CDH11: variants seen among roughly 807,000 people sequenced by gnomAD.
The protein encoded by CDH11 is cadherin 11, also known as cadherin-11.
CDH11 carries 11 observed loss-of-function variants against 67.8 expected under a neutral mutation model. The observed-to-expected ratio is 0.16, with a 90% CI of 0.10 to 0.27. The LOEUF is 0.27. CDH11 is among the 10% of genes least tolerant of loss of function. The pLI is 1.00. For missense variants in CDH11, 847 were observed against 1,031.2 expected (o/e 0.82, Z 2.45); for synonymous variants, 419 against 400.0 (o/e 1.05, Z -0.57).
At chr16:64,983,811 A>C (rs1262240179) in intron 7 of CDH11, among the ~76,000 whole-genome samples, 1 of 152,206 alleles carries the variant, frequency 6.6e-6, no homozygotes, top group Non-Finnish European at 1.5e-5. Context: ...CTTCTAAAAA[A>C]TCCTTTCAAA....
At position 64,947,306 on chromosome 16, in the gene CDH11, T is replaced by C; in HGVS notation, c.*297A>G. ...GTTCATAACACATAAACAATTTCCC[T>C]TCATTGTCAGTTCAGCGTTAGACTT... On this transcript the variant is annotated 3_prime_UTR_variant, in exon 13 of 13. Transcript: ENST00000268603. 2 of 1,182,270 alleles carry C rather than the reference T, an allele frequency of 1.7e-6. No homozygotes were observed. Among genetic ancestry groups the C allele is most frequent in the Non-Finnish European group, 2.1e-6 (2 of 951,906 alleles). The allele number at this position is 1,182,270 out of a possible 1,614,324, so 73.2% of individuals were successfully genotyped here.
rs561561401 is a variant in CDH11, at chr16:64,945,796, A to C, written c.*1807T>G. On this transcript the variant is annotated 3_prime_UTR_variant, in exon 13 of 13. Transcript: ENST00000268603. ...GTTGACTAAATCATAAAAATAGTAC[A>C]TAACATGATATCAAGAAATGCTTGA... 65 of 1,045,672 alleles carry C rather than the reference A, an allele frequency of 6.2e-5. No individual in the cohort carries two copies. The African/African-American group carries it at 1.1e-3, about 17-fold the overall frequency. 64.8% of individuals were successfully genotyped at this position (1,045,672 alleles called of 1,614,324 possible). A position where few individuals can be genotyped will look rare whatever the true frequency, so the allele number is the denominator to read the frequency against.
At chr16:65,092,356 C>A (rs2074806384) in intron 1 of CDH11, among the ~76,000 whole-genome samples, 1 of 152,184 alleles carries the variant, frequency 6.6e-6, no homozygotes, top group Non-Finnish European at 1.5e-5. Flanking sequence ...CCTTCCACAG[C>A]TTTCCAGTGA....
At chr16:64,980,784 CAG>C (rs1030575089) in intron 8 of CDH11, among the ~76,000 whole-genome samples, 1 of 152,090 alleles carries the variant, frequency 6.6e-6, no homozygotes, top group African/African-American at 2.4e-5. Flanking sequence ...ACTCTGGCTG[CAG>C]AGTCAGGATT....
chr16:65,009,538 T>G (rs757090480), intron 2 of CDH11, among the ~76,000 whole-genome samples: 1 of 152,164 alleles, frequency 6.6e-6, no homozygotes, highest in Non-Finnish European at 1.5e-5. Flanking sequence ...TATTCAGTGG[T>G]AGGGACTTAG....
At chr16:65,088,099 C>T (rs775208597) in intron 1 of CDH11, among the ~76,000 whole-genome samples, 26 of 152,146 alleles carry the variant, frequency 1.7e-4, no homozygotes, top group African/African-American at 3.9e-4. Flanking sequence ...GCTCCAAGCT[C>T]GGGAATGGCA....
rs542302964 is a variant in CDH11, at chr16:64,947,456, G to C, written c.*147C>G. ...CAGTATTTACCACTTTGATGTCCTC[G>C]CAGTTTTATTAAATGTATCCTCTCT... On this transcript the variant is annotated 3_prime_UTR_variant, in exon 13 of 13. Transcript: ENST00000268603. 25 of 1,456,304 alleles carry C rather than the reference G, an allele frequency of 1.7e-5. No individual in the cohort carries two copies. The highest frequency in any genetic ancestry group is 2.2e-5 in the Non-Finnish European group (24 of 1,104,446). 90.2% of individuals were successfully genotyped at this position (1,456,304 alleles called of 1,614,324 possible). A position where few individuals can be genotyped will look rare whatever the true frequency, so the allele number is the denominator to read the frequency against.
intron 8 of CDH11, among the ~76,000 whole-genome samples, chr16:64,976,603 C>T (rs559503951): frequency 1.3e-5 from 2 of 152,240 alleles, no homozygotes; most frequent in South Asian, 4.2e-4. Flanking sequence ...GCCTGTAATC[C>T]CAGCACTTTG....
chr16:65,107,269 TTG>T (rs2075080491), intron 1 of CDH11, among the ~76,000 whole-genome samples: 3 of 152,246 alleles, frequency 2.0e-5, no homozygotes, highest in Non-Finnish European at 4.4e-5. Context: ...AGGTCTTGAT[TTG>T]CATATTTTAT....
chr16:65,106,462 T>A (rs1159358271), intron 1 of CDH11, among the ~76,000 whole-genome samples: 1 of 152,186 alleles, frequency 6.6e-6, no homozygotes, highest in Non-Finnish European at 1.5e-5. Context: ...GAGTGCCAAA[T>A]TTCATATCTC....
chr16:65,058,771 G>A (rs911184332), intron 1 of CDH11, among the ~76,000 whole-genome samples: 1 of 152,226 alleles, frequency 6.6e-6, no homozygotes, highest in African/African-American at 2.4e-5. Flanking sequence ...TTGAGTTGGG[G>A]CAAGCAAGAA....
In CDH11 at chr16:65,121,064, G is replaced by A. The variant is rs373179674; in HGVS notation, c.-298+816C>T. Among the ~76,000 whole-genome samples the A allele has an allele frequency of 4.6e-5, 7 of 152,292 alleles. No individual in the cohort carries two copies. The East Asian group carries it at 1.2e-3, about 25-fold the overall frequency. On this transcript the variant is annotated intron_variant, in intron 1 of 12. Transcript: ENST00000268603. This position sits in a 1 kb window ranked among gnomAD's most constrained non-coding sequence, Gnocchi z 4.1. ...GGCTTGGCGCGCTCCGAGAAGCGGC[G>A]CAGGTTTCGGGAAGGTGTGGTTCTC...
In CDH11 at chr16:64,944,457, T is replaced by TC. The variant is rs1406660231; in HGVS notation, c.*3145dup. 4.3e-6 allele frequency: 1 copy of TC among 232,884 alleles called. No individual in the cohort carries two copies. The highest frequency in any genetic ancestry group is 2.2e-5 in the African/African-American group (1 of 45,298). The allele number at this position is 232,884 out of a possible 1,614,324, so 14.4% of individuals were successfully genotyped here. On this transcript the variant is annotated 3_prime_UTR_variant, in exon 13 of 13. Transcript: ENST00000268603. The stretch of plus-strand genomic sequence containing the variant: ...TCTGGGTTTATATGCTCCTAATCTG[T>TC]CCTCCACACTGCCTGCCAAATAAAT...
intron 5 of CDH11, among the ~76,000 whole-genome samples, chr16:64,992,630 CTT>C (rs1305026144): frequency 6.6e-6 from 1 of 152,194 alleles, no homozygotes; most frequent in Non-Finnish European, 1.5e-5. Context: ...CTGTGGAAGA[CTT>C]AGTCCTTATT....
intron 8 of CDH11, among the ~76,000 whole-genome samples, chr16:64,973,842 A>C (rs1039277667): frequency 1.3e-5 from 2 of 152,106 alleles, no homozygotes; most frequent in African/African-American, 4.8e-5. Flanking sequence ...TGTTCACTAC[A>C]TTTTAGTAAA....
At chr16:65,047,720 A>T (rs943671310) in intron 2 of CDH11, among the ~76,000 whole-genome samples, 2 of 152,198 alleles carry the variant, frequency 1.3e-5, no homozygotes, top group African/African-American at 4.8e-5. Flanking sequence ...CTATCTAAGG[A>T]TACATAAAAA....
rs57645922 is a variant in CDH11 at position 65,033,237 on chromosome 16, AAC to A, written c.-173+20565_-173+20566del. 1.5e-3 allele frequency among the ~76,000 whole-genome samples: 216 copies of A among 139,556 alleles called. 1 individual carries two copies. The highest frequency in any genetic ancestry group is 4.0e-3 in the African/African-American group (154 of 38,116). 91.6% of individuals were successfully genotyped at this position (139,556 alleles called of 152,430 possible). A position where few individuals can be genotyped will look rare whatever the true frequency, so the allele number is the denominator to read the frequency against. ...TGACACCCCACAAGTAAACTAGGAA[AAC>A]ACACACACACACACACACACACACA... On this transcript the variant is annotated intron_variant, in intron 2 of 12. Coordinates refer to ENST00000268603, the MANE Select transcript of CDH11 (RefSeq NM_001797.4).
At position 64,948,052 on chromosome 16, in the gene CDH11, G is replaced by A. The variant is rs749326608; in HGVS notation, c.1942C>T (p.Leu648Phe). 1.2e-6 allele frequency: 2 copies of A among 1,614,076 alleles called. No individual in the cohort carries two copies. The highest frequency in any genetic ancestry group is 3.3e-5 in the Admixed American group (2 of 60,022). Residue 648 changes from leucine (L) to phenylalanine (F), a missense_variant, in exon 13 of 13, where the codon CTC becomes TTC. By Grantham distance (22) the Leu-to-Phe change is conservative. Around this residue, in one of 2 missense-constraint regions of CDH11, gnomAD observed 612 missense variants for 678.7 expected, o/e 0.90. Transcript: ENST00000268603. Reference sequence around the variant, plus strand: ...ACATCTTCTTCCTCAAAGACAATGAGTGGTTCTTTCTTTTGCCTTCTCAGG... The same window carrying A: ...ACATCTTCTTCCTCAAAGACAATGAATGGTTCTTTCTTTTGCCTTCTCAGG... The part of the protein sequence containing the change: ...VTLRRQKKEP[L>F]IVFEEEDVRE...
intron 11 of CDH11, among the ~76,000 whole-genome samples, chr16:64,969,826 G>A (rs1015709865): frequency 9.9e-5 from 15 of 152,098 alleles, no homozygotes; most frequent in Non-Finnish European, 1.8e-4. Context: ...CCTTGTTTTG[G>A]AGAAAACTAT....
Sources: allele counts gnomAD v4.1 joint callset (sites outside exome capture counted in the v4.1 genomes callset), GRCh38; gene constraint gnomAD v4.1.1; regional missense constraint gnomAD v4.1.1; non-coding constraint Gnocchi (gnomAD v3.1); transcripts MANE v1.5; gene names NCBI Gene and HGNC (gene_info 2026-07-23, HGNC 2026-07-21).